PLEKHO2: variants seen among roughly 807,000 people sequenced by gnomAD.
PLEKHO2 encodes the protein pleckstrin homology domain-containing family O member 2.
PLEKHO2 carries 20 observed loss-of-function variants against 32.7 expected under a neutral mutation model. The ratio of observed to expected loss-of-function variants is 0.61; its 90% CI spans 0.43 to 0.89. The LOEUF is 0.89. PLEKHO2 is among the 40% of genes least tolerant of loss of function. The probability of loss-of-function intolerance (pLI) is 0.00; values close to 1 mark genes in which losing one functional copy is unlikely to be tolerated. For missense variants in PLEKHO2, 568 were observed against 621.2 expected, an observed-to-expected ratio of 0.91 and a Z score of 0.91; for synonymous variants, 247 against 246.3, an observed-to-expected ratio of 1.00 and a Z score of -0.03.
chr15:64,842,435 T>C (rs1748567996), intron 1 of PLEKHO2, among the ~76,000 whole-genome samples: 1 of 146,364 alleles, frequency 6.8e-6, no homozygotes. Context: ...GGATCCTGAC[T>C]GTGTGTGTGT....
At chr15:64,844,414 T>C (rs982828108) in intron 1 of PLEKHO2, among the ~76,000 whole-genome samples, 1 of 152,352 alleles carries the variant, frequency 6.6e-6, no homozygotes, top group East Asian at 1.9e-4. Flanking sequence ...TGATGATGTA[T>C]ATTCAAAAGC....
chr15:64,863,578 G>T (rs1403706787), intron 5 of PLEKHO2, among the ~76,000 whole-genome samples: 1 of 151,370 alleles, frequency 6.6e-6, no homozygotes, highest in Non-Finnish European at 1.5e-5. Flanking sequence ...ACTTTCTGGT[G>T]GTCCCCAGTG....
In PLEKHO2 at chr15:64,858,534, G is replaced by T. The variant is rs191873485; in HGVS notation, c.280-1360G>T. Among the ~76,000 whole-genome samples the T allele has an allele frequency of 3.9e-5, 6 of 152,254 alleles. No individual in the cohort carries two copies. The East Asian group carries it at 1.2e-3, about 29-fold the overall frequency. On this transcript the variant is annotated intron_variant, in intron 3 of 5. Coordinates refer to ENST00000323544, the MANE Select transcript of PLEKHO2 (RefSeq NM_025201.5). ...TTAATTTTTTGGCTCATTCATTCAA[G>T]AACTATTTACTGAGCACCTACTATG...
chr15:64,854,078 C>T (rs1292826188), intron 2 of PLEKHO2, among the ~76,000 whole-genome samples: 1 of 152,220 alleles, frequency 6.6e-6, no homozygotes, highest in East Asian at 1.9e-4. Context: ...TGGGTCTTCC[C>T]TGGAAGAGGA....
At chr15:64,856,781 T>G (rs563881501) in intron 3 of PLEKHO2, among the ~76,000 whole-genome samples, 2 of 152,258 alleles carry the variant, frequency 1.3e-5, no homozygotes, top group African/African-American at 4.8e-5. Context: ...CTCACACAGA[T>G]TGGGGCTCTC....
At chr15:64,852,724 G>A (rs879264189) in intron 2 of PLEKHO2, among the ~76,000 whole-genome samples, 9 of 151,778 alleles carry the variant, frequency 5.9e-5, no homozygotes, top group Non-Finnish European at 1.2e-4. Context: ...GGGTTCAAGC[G>A]ATTCTTCTGC....
chr15:64,845,049 AGAG>A (rs1323349258), intron 1 of PLEKHO2, among the ~76,000 whole-genome samples: 2 of 152,206 alleles, frequency 1.3e-5, no homozygotes, highest in African/African-American at 2.4e-5. Flanking sequence ...GATTCTTAGT[AGAG>A]TTGGGTCAGA....
In PLEKHO2 at chr15:64,866,377, T is replaced by C. The variant is rs1165512295; in HGVS notation, c.*489T>C. The C allele has an allele frequency of 2.2e-6, 1 of 456,560 alleles. No homozygotes were observed. Among genetic ancestry groups the C allele is most frequent in the East Asian group, 6.9e-5 (1 of 14,406 alleles). The allele number at this position is 456,560 out of a possible 1,614,324, so 28.3% of individuals were successfully genotyped here. ...CTCAAAGCCAGCCCCTCCTCCCACC[T>C]ATTCTGAGTAGCTGCAGAGGCCTTG... is the stretch of plus-strand genomic sequence containing the variant. On this transcript the variant is annotated 3_prime_UTR_variant, in exon 6 of 6. Transcript: ENST00000323544.
intron 3 of PLEKHO2, among the ~76,000 whole-genome samples, chr15:64,859,101 T>C: frequency 6.6e-6 from 1 of 152,214 alleles, no homozygotes; most frequent in African/African-American, 2.4e-5. Context: ...TGTGTCAGAT[T>C]TTTCTTCCTT....
chr15:64,858,006 G>T (rs1272487565), intron 3 of PLEKHO2, among the ~76,000 whole-genome samples: 1 of 152,202 alleles, frequency 6.6e-6, no homozygotes, highest in African/African-American at 2.4e-5. Flanking sequence ...CTGAGCCTGT[G>T]AATAGGAGGA....
At chr15:64,854,872 G>C (rs1228428908) in intron 2 of PLEKHO2, 49 bp from the exon 3 acceptor site, 20 of 1,424,762 alleles carry the variant, frequency 1.4e-5, no homozygotes, top group Non-Finnish European at 1.7e-5. Context: ...TGAGGGTGGT[G>C]GTGGGTCTGA....
In PLEKHO2 at chr15:64,866,553, C is replaced by T. The variant is rs1433093211; in HGVS notation, c.*665C>T. 8.3e-6 allele frequency: 3 copies of T among 362,574 alleles called. No individual in the cohort carries two copies. The highest frequency in any genetic ancestry group is 1.6e-5 in the Non-Finnish European group (3 of 181,874). The allele number at this position is 362,574 out of a possible 1,614,324, so 22.5% of individuals were successfully genotyped here. Reference sequence around the variant, plus strand: ...TGTTTCCTTTTTTGCAAAACAAGGACATTTTCTGCAGCCCCTTCCTCTCAG... The same window carrying T: ...TGTTTCCTTTTTTGCAAAACAAGGATATTTTCTGCAGCCCCTTCCTCTCAG... On this transcript the variant is annotated 3_prime_UTR_variant, in exon 6 of 6. Coordinates refer to ENST00000323544, the MANE Select transcript of PLEKHO2 (RefSeq NM_025201.5).
intron 1 of PLEKHO2, among the ~76,000 whole-genome samples, chr15:64,847,376 C>G (rs1046184861): frequency 4.6e-5 from 7 of 152,146 alleles, no homozygotes; most frequent in Non-Finnish European, 1.0e-4. Context: ...TTAGTCCATG[C>G]TAATTTCCTT....
chr15:64,841,941 G>C lies in PLEKHO2; in HGVS notation c.-76G>C. The stretch of plus-strand genomic sequence containing the variant: ...GAACGCGGAGAGTCGCCGCCTGGCC[G>C]GGCGTAGACGCGGTGGCAGAGCCCG... On this transcript the variant is annotated 5_prime_UTR_variant, in exon 1 of 6. Transcript: ENST00000323544. 2.4e-6 allele frequency: 3 copies of C among 1,227,446 alleles called. No individual in the cohort carries two copies. The highest frequency in any genetic ancestry group is 3.1e-6 in the Non-Finnish European group (3 of 982,546). The allele number at this position is 1,227,446 out of a possible 1,614,324, so 76.0% of individuals were successfully genotyped here. A position where few individuals can be genotyped will look rare whatever the true frequency, so the allele number is the denominator to read the frequency against.
intron 5 of PLEKHO2, among the ~76,000 whole-genome samples, chr15:64,864,262 T>C (rs2084665976): frequency 6.6e-6 from 1 of 152,120 alleles, no homozygotes; most frequent in Non-Finnish European, 1.5e-5. Context: ...AGCTGTTCTC[T>C]GGCAGTCAGC....
chr15:64,854,389 C>A (rs28571228), intron 2 of PLEKHO2, among the ~76,000 whole-genome samples: 11,395 of 152,196 alleles, frequency 0.075, 1,278 homozygotes, highest in African/African-American at 0.23. Flanking sequence ...CAGGGCTCCG[C>A]AGGGGGTGAT....
At position 64,866,665 on chromosome 15, in the gene PLEKHO2, GAT is replaced by G; in HGVS notation, c.*779_*780del. On this transcript the variant is annotated 3_prime_UTR_variant, in exon 6 of 6. Transcript: ENST00000323544. ...TCCCCTAGTCTAGTCTCTGCCCCTG[GAT>G]AGTGTCCAGCCTTGTATATTTCTGA... 1 of 292,474 alleles carries G rather than the reference GAT, an allele frequency of 3.4e-6. No individual in the cohort carries two copies. The highest frequency in any genetic ancestry group is 3.1e-5 in the South Asian group (1 of 32,350). 18.1% of individuals were successfully genotyped at this position (292,474 alleles called of 1,614,324 possible).
rs1026274574 is a variant in PLEKHO2 at position 64,865,629 on chromosome 15, C to G, written c.1214C>G (p.Pro405Arg). Residue 405 changes from proline (P) to arginine (R), a missense_variant, in exon 6 of 6, where the codon CCC becomes CGC. Pro to Arg is a moderately radical substitution (Grantham distance 103). Coordinates refer to ENST00000323544, the MANE Select transcript of PLEKHO2 (RefSeq NM_025201.5). ...GAAGGCCCGCGGCATCCCTTGCAGC[C>G]CAGGGAACGGCTATATCGGGCCCAG... ...LGEGPRHPLQ[P>R]RERLYRAQLE... The G allele has an allele frequency of 1.2e-6, 2 of 1,614,098 alleles. No homozygotes were observed. The highest frequency in any genetic ancestry group is 2.7e-5 in the African/African-American group (2 of 74,934).
At chr15:64,849,663 G>A (rs1229296286) in intron 2 of PLEKHO2, among the ~76,000 whole-genome samples, 1 of 146,878 alleles carries the variant, frequency 6.8e-6, no homozygotes, top group African/African-American at 2.5e-5. Context: ...GGCTGGTCTC[G>A]AACTCCTGAC....
Sources: gnomAD v4.1 joint callset for allele counts (sites outside exome capture counted in the v4.1 genomes callset) on GRCh38, gnomAD v4.1.1 for gene constraint, MANE v1.5 for transcripts, NCBI Gene and HGNC (gene_info 2026-07-23, HGNC 2026-07-21) for gene names.